The following DTNB variants were observed in gnomAD, a reference collection of about 807,000 sequenced individuals.
DTNB encodes dystrobrevin beta.
In DTNB, 63 loss-of-function variants were observed where a neutral mutation model predicts 90.7. That is an observed-to-expected ratio of 0.69 (90% CI 0.57 to 0.86). The LOEUF is 0.86. Among genes scored for constraint, DTNB ranks in the 40% least tolerant of loss-of-function variants. The probability of loss-of-function intolerance (pLI) is 0.00; values close to 1 mark genes in which losing one functional copy is unlikely to be tolerated. For missense variants in DTNB, 744 were observed against 807.1 expected, an observed-to-expected ratio of 0.92 and a Z score of 0.95; for synonymous variants, 277 against 286.7, an observed-to-expected ratio of 0.97 and a Z score of 0.34.
At chr2:25,432,000 T>C (rs958366741) in intron 14 of DTNB, among the ~76,000 whole-genome samples, 2 of 152,134 alleles carry the variant, frequency 1.3e-5, no homozygotes, top group African/African-American at 2.4e-5. Context: ...CTTTTATTGA[T>C]GATATAAATC....
In DTNB at chr2:25,388,117, A is replaced by T. The variant is rs1215732720; in HGVS notation, c.1735+85T>A. ...TCATTCCAAGCAAAGAGCACAAAACAGAAATGGAAAAAACCTCAGCAGGAA... is the reference window on the plus strand; with the variant it reads ...TCATTCCAAGCAAAGAGCACAAAACTGAAATGGAAAAAACCTCAGCAGGAA... On this transcript the variant is annotated intron_variant, in intron 17 of 20. Coordinates refer to ENST00000406818, the MANE Select transcript of DTNB (RefSeq NM_021907.5). The T allele has an allele frequency of 3.3e-6, 5 of 1,524,516 alleles. No individual in the cohort carries two copies. The African/African-American group carries it at 6.9e-5, about 21-fold the overall frequency. 94.4% of individuals were successfully genotyped at this position (1,524,516 alleles called of 1,614,324 possible).
intron 6 of DTNB, 119 bp downstream of exon 6, chr2:25,595,967 C>T (rs1007587954): frequency 2.2e-6 from 2 of 925,236 alleles, no homozygotes; most frequent in Non-Finnish European, 1.3e-6. Context: ...ACCTTTAAAG[C>T]TTTTTTCCTC....
rs367815145 is a variant in DTNB, at chr2:25,672,563, T to C, written c.-2+823A>G. Among the ~76,000 whole-genome samples, 184 of 152,310 alleles carry C rather than the reference T, an allele frequency of 1.2e-3. 9 individuals carry two copies. The South Asian group carries it at 0.037, about 31-fold the overall frequency. On this transcript the variant is annotated intron_variant, in intron 1 of 20. Coordinates refer to ENST00000406818, the MANE Select transcript of DTNB (RefSeq NM_021907.5). ...TTTCTCCCATAGGCTTCTTTTGACCTTTCTGCTTTATCCCCAAAACCACGC... is the reference window on the plus strand; with the variant it reads ...TTTCTCCCATAGGCTTCTTTTGACCCTTCTGCTTTATCCCCAAAACCACGC...
At chr2:25,534,002 A>AT (rs1363985383) in intron 8 of DTNB, among the ~76,000 whole-genome samples, 1 of 139,364 alleles carries the variant, frequency 7.2e-6, no homozygotes, top group African/African-American at 2.8e-5. Context: ...TTTTTTTTTA[A>AT]TTTTTTTTTA....
At chr2:25,583,195 C>G (rs2148231880) in intron 6 of DTNB, among the ~76,000 whole-genome samples, 1 of 140,104 alleles carries the variant, frequency 7.1e-6, no homozygotes, top group South Asian at 2.3e-4. Flanking sequence ...TGCAGTGAGC[C>G]AAGATATCAC....
intron 1 of DTNB, among the ~76,000 whole-genome samples, chr2:25,668,036 G>A (rs907144520): frequency 1.3e-5 from 2 of 152,148 alleles, no homozygotes; most frequent in East Asian, 1.9e-4. Flanking sequence ...TCAGGAGATC[G>A]AGACCATCCT....
At chr2:25,558,363 C>T in intron 8 of DTNB, 1 of 985,412 alleles carries the variant, frequency 1.0e-6, no homozygotes. Context: ...TCTTCCCACA[C>T]ATGGAAGCAG....
rs142617803 is a variant in DTNB at position 25,403,875 on chromosome 2, T to C, written c.1576-15514A>G. 7.5e-4 allele frequency among the ~76,000 whole-genome samples: 114 copies of C among 152,278 alleles called. 2 individuals carry two copies. The East Asian group carries it at 0.017, about 23-fold the overall frequency. On this transcript the variant is annotated intron_variant, in intron 16 of 20. Transcript: ENST00000406818. ...TTAAACTCCTGGCCTCAAGCAATCC[T>C]CCCACATCAGCCTCCCTTGTAGCTG...
intron 10 of DTNB, among the ~76,000 whole-genome samples, chr2:25,455,717 C>T (rs374150311): frequency 3.3e-5 from 5 of 152,308 alleles, no homozygotes; most frequent in East Asian, 1.9e-4. Flanking sequence ...TCAGGAGTGG[C>T]GCTGGCCCAC....
chr2:25,648,526 T>TA (rs2080045282), intron 2 of DTNB, among the ~76,000 whole-genome samples: 1 of 152,082 alleles, frequency 6.6e-6, no homozygotes, highest in Non-Finnish European at 1.5e-5. Flanking sequence ...ATCTAAAAGT[T>TA]ACAATTATTT....
chr2:25,564,653 G>A (rs1277102473), intron 8 of DTNB, among the ~76,000 whole-genome samples: 1 of 152,052 alleles, frequency 6.6e-6, no homozygotes, highest in African/African-American at 2.4e-5. Context: ...CTCCCAAAGT[G>A]CTGGGATTAT....
chr2:25,634,134 A>G (rs2076501252), intron 3 of DTNB, among the ~76,000 whole-genome samples: 2 of 143,852 alleles, frequency 1.4e-5, no homozygotes, highest in South Asian at 2.2e-4. Flanking sequence ...CTGCCCGGCC[A>G]GCCGCCCCAT....
rs1187091479 is a variant in DTNB, at chr2:25,412,746, GC to G, written c.1575+6768del. ...CAGTGAATGTGGTATTAGAGATCCA[GC>G]AGTGAAATTTTATGGTGCACTGAGT... On this transcript the variant is annotated intron_variant, in intron 16 of 20. Coordinates refer to ENST00000406818, the MANE Select transcript of DTNB (RefSeq NM_021907.5). Among the ~76,000 whole-genome samples the G allele has an allele frequency of 5.3e-5, 8 of 152,294 alleles. No individual in the cohort carries two copies. The East Asian group carries it at 1.5e-3, about 29-fold the overall frequency.
chr2:25,627,906 T>G (rs1417384761), intron 4 of DTNB, among the ~76,000 whole-genome samples: 1 of 151,982 alleles, frequency 6.6e-6, no homozygotes, highest in Non-Finnish European at 1.5e-5. Flanking sequence ...CCGGCTAATT[T>G]TTTGTATTTT....
chr2:25,577,727 G>C (rs2060913543), intron 7 of DTNB, among the ~76,000 whole-genome samples: 1 of 152,098 alleles, frequency 6.6e-6, no homozygotes, highest in African/African-American at 2.4e-5. Context: ...GATAGGCCAG[G>C]CATGGTGGCT....
chr2:25,467,597 G>A (rs1337003347), intron 10 of DTNB, among the ~76,000 whole-genome samples: 1 of 151,984 alleles, frequency 6.6e-6, no homozygotes, highest in Non-Finnish European at 1.5e-5. Flanking sequence ...AGCCACTAGC[G>A]CCCAGCCTTG....
chr2:25,575,592 G>A (rs780546873), intron 8 of DTNB, among the ~76,000 whole-genome samples: 5 of 152,112 alleles, frequency 3.3e-5, no homozygotes, highest in African/African-American at 1.2e-4. Flanking sequence ...GTGGGTTGAA[G>A]TTTGTTTTCC....
chr2:25,525,316 CCA>C (rs1164394753), intron 9 of DTNB, among the ~76,000 whole-genome samples: 3 of 152,160 alleles, frequency 2.0e-5, no homozygotes, highest in African/African-American at 4.8e-5. Context: ...ACACAGGAGA[CCA>C]CAGTTTTATC....
intron 19 of DTNB, among the ~76,000 whole-genome samples, chr2:25,380,200 T>A (rs2037216828): frequency 6.6e-6 from 1 of 152,192 alleles, no homozygotes; most frequent in African/African-American, 2.4e-5. Flanking sequence ...AAATTCTGTT[T>A]ATATTACGTC....
Sources: allele counts gnomAD v4.1 joint callset (sites outside exome capture counted in the v4.1 genomes callset), GRCh38; gene constraint gnomAD v4.1.1; transcripts MANE v1.5; gene names NCBI Gene and HGNC (gene_info 2026-07-23, HGNC 2026-07-21).